SLC37A3: variants seen among roughly 807,000 people sequenced by gnomAD.
SLC37A3 encodes the protein sugar phosphate exchanger 3.
Under a neutral mutation model 67.1 loss-of-function variants are expected in SLC37A3, and 51 were observed. The observed-to-expected ratio is 0.76, with a 90% CI of 0.61 to 0.96. The LOEUF (loss-of-function observed/expected upper bound fraction) is 0.96. Among genes scored for constraint, SLC37A3 ranks in the 40% least tolerant of loss-of-function variants. SLC37A3 has a pLI of 0.00. For synonymous variants in SLC37A3, 214 were observed against 231.4 expected (o/e 0.92, Z 0.68); for missense variants, 508 against 603.0 (o/e 0.84, Z 1.65).
chr7:140,378,307 C>T (rs1279337786), intron 3 of SLC37A3, among the ~76,000 whole-genome samples: 1 of 152,206 alleles, frequency 6.6e-6, no homozygotes, highest in African/African-American at 2.4e-5. Flanking sequence ...GCATCCACCT[C>T]ACACAACAGT....
chr7:140,343,349 G>A (rs1458514991), intron 13 of SLC37A3, 63 bp downstream of exon 13: 2 of 1,608,432 alleles, frequency 1.2e-6, no homozygotes, highest in Non-Finnish European at 1.7e-6. Context: ...CAGAGGGCAG[G>A]TTCACATTCA....
intron 7 of SLC37A3, among the ~76,000 whole-genome samples, chr7:140,354,860 C>T (rs960634890): frequency 2.6e-5 from 4 of 151,662 alleles, no homozygotes; most frequent in Non-Finnish European, 4.4e-5. Context: ...CCTCCCACCT[C>T]AGCCTCCTGA....
chr7:140,375,152 TCAAAAAAAAAACAAAAAACAA>T (rs1036753207), intron 3 of SLC37A3, among the ~76,000 whole-genome samples: 2 of 114,718 alleles, frequency 1.7e-5, no homozygotes, highest in Admixed American at 2.1e-4. Flanking sequence ...AGATTCCGCC[TCAAAAAAAAAACAAAAAACAA>T]CAAAAAAAAA....
At position 140,348,725 on chromosome 7, in the gene SLC37A3, A is replaced by C; in HGVS notation, c.925T>G (p.Phe309Val). 6.2e-7 allele frequency: 1 copy of C among 1,614,188 alleles called. No individual in the cohort carries two copies. The highest frequency in any genetic ancestry group is 8.5e-7 in the Non-Finnish European group (1 of 1,180,038). Residue 309 changes from phenylalanine to valine, a missense_variant, in exon 10 of 15, where the codon TTC becomes GTC. By Grantham distance (50) the Phe-to-Val change is conservative (BLOSUM62 -1). Transcript: ENST00000326232. Reference protein sequence around the residue: ...YACLKLVNYSFFFWLPFYLSN... With the variant: ...YACLKLVNYSVFFWLPFYLSN... ...AGATAAAAGGGGAGCCAGAAGAAGA[A>C]GGAGTAATTCACTAACTTCAAGCAG...
intron 7 of SLC37A3, among the ~76,000 whole-genome samples, chr7:140,354,529 T>C (rs1284015005): frequency 6.6e-6 from 1 of 152,146 alleles, no homozygotes; most frequent in Non-Finnish European, 1.5e-5. Context: ...CAGTTCTATA[T>C]TCTATAGTTC....
rs534147852 is a variant in SLC37A3 at position 140,359,114 on chromosome 7, A to C, written c.376-329T>G. ...ATCTCAGCACTTTGGGAGGCCGAGG[A>C]GGGCAGATCACAAGGTCAGGAAATC... On this transcript the variant is annotated intron_variant, in intron 5 of 14. Transcript: ENST00000326232. Among the ~76,000 whole-genome samples the C allele has an allele frequency of 2.8e-3, 420 of 151,698 alleles. 5 individuals carry two copies. The highest frequency in any genetic ancestry group is 9.4e-3 in the African/African-American group (385 of 41,034).
At chr7:140,394,695 G>A (rs1466637518) in intron 1 of SLC37A3, among the ~76,000 whole-genome samples, 7 of 150,392 alleles carry the variant, frequency 4.7e-5, no homozygotes, top group African/African-American at 1.2e-4. Context: ...TGCAACCTCC[G>A]CCTCCCAGGT....
At chr7:140,350,966 C>A (rs576403494) in intron 9 of SLC37A3, among the ~76,000 whole-genome samples, 1 of 152,132 alleles carries the variant, frequency 6.6e-6, no homozygotes, top group Non-Finnish European at 1.5e-5. Flanking sequence ...AGTCTGGCCA[C>A]GTCTAACTGT....
intron 3 of SLC37A3, among the ~76,000 whole-genome samples, chr7:140,375,443 C>T (rs1283353248): frequency 6.6e-6 from 1 of 150,470 alleles, no homozygotes; most frequent in Admixed American, 6.7e-5. Flanking sequence ...CCATTGCACT[C>T]CAGCCTGAGC....
At chr7:140,381,032 G>C (rs748914826) in intron 2 of SLC37A3, among the ~76,000 whole-genome samples, 2 of 151,348 alleles carry the variant, frequency 1.3e-5, no homozygotes, top group Admixed American at 6.6e-5. Flanking sequence ...CGAGTAGCTG[G>C]GATCACAGGC....
At position 140,374,224 on chromosome 7, in the gene SLC37A3, G is replaced by A. The variant is rs554781163; in HGVS notation, c.199-4542C>T. 2.0e-5 allele frequency among the ~76,000 whole-genome samples: 3 copies of A among 152,228 alleles called. 1 individual carries two copies. The highest frequency in any genetic ancestry group is 4.8e-5 in the African/African-American group (2 of 41,542). ...GAAATTTTGATTTTAGGCCAGGTAC[G>A]GTGGCTCACGCCTACAATCCCAAGC... On this transcript the variant is annotated intron_variant, in intron 3 of 14. Transcript: ENST00000326232.
At chr7:140,355,168 ATCTACT>A in intron 7 of SLC37A3, among the ~76,000 whole-genome samples, 1 of 150,434 alleles carries the variant, frequency 6.6e-6, no homozygotes, top group South Asian at 2.1e-4. Context: ...TCAGAAGTTT[ATCTACT>A]TTTAATGAAT....
intron 1 of SLC37A3, among the ~76,000 whole-genome samples, chr7:140,390,384 C>T (rs1029976846): frequency 4.6e-5 from 7 of 152,054 alleles, no homozygotes; most frequent in East Asian, 1.9e-4. Context: ...CACAAGACTC[C>T]GGGTGCTCCC....
intron 1 of SLC37A3, among the ~76,000 whole-genome samples, chr7:140,385,186 C>T (rs1362932983): frequency 1.3e-5 from 2 of 152,142 alleles, no homozygotes; most frequent in East Asian, 1.9e-4. Flanking sequence ...TTATATTAGC[C>T]ACTGATCTGC....
At chr7:140,342,192 A>G (rs1796386102) in intron 13 of SLC37A3, among the ~76,000 whole-genome samples, 1 of 152,204 alleles carries the variant, frequency 6.6e-6, no homozygotes, top group Non-Finnish European at 1.5e-5. Flanking sequence ...CTAGGTAGTC[A>G]AAGTATTAAC....
At chr7:140,370,221 A>C (rs1797770203) in intron 3 of SLC37A3, among the ~76,000 whole-genome samples, 1 of 151,766 alleles carries the variant, frequency 6.6e-6, no homozygotes, top group Admixed American at 6.6e-5. Flanking sequence ...ACAGTGTGAT[A>C]GTTCAACATA....
chr7:140,357,699 C>A (rs971501168), intron 6 of SLC37A3, among the ~76,000 whole-genome samples: 1 of 151,896 alleles, frequency 6.6e-6, no homozygotes, highest in African/African-American at 2.4e-5. Context: ...GGCGAAATCA[C>A]CTGAGGTCAG....
At chr7:140,342,716 G>C (rs1796405930) in intron 13 of SLC37A3, among the ~76,000 whole-genome samples, 1 of 151,982 alleles carries the variant, frequency 6.6e-6, no homozygotes, top group African/African-American at 2.4e-5. Context: ...TCTAAGTATA[G>C]TAGGCCAATC....
At chr7:140,337,948 T>C (rs1466116184) in intron 13 of SLC37A3, 1 of 151,674 alleles carries the variant, frequency 6.6e-6, no homozygotes, top group South Asian at 2.1e-4. Context: ...TGGAGTGCAG[T>C]GGCGCAATCT....
Sources: allele counts gnomAD v4.1 joint callset (sites outside exome capture counted in the v4.1 genomes callset), GRCh38; gene constraint gnomAD v4.1.1; transcripts MANE v1.5; gene names NCBI Gene and HGNC (gene_info 2026-07-23, HGNC 2026-07-21).